The following CADPS variants were observed in gnomAD, a reference collection of about 807,000 sequenced individuals.
CADPS encodes calcium dependent secretion activator.
A neutral mutation model predicts 167.3 loss-of-function variants in CADPS; 57 were observed. That is an observed-to-expected ratio of 0.34 (90% CI 0.28 to 0.42). The LOEUF (loss-of-function observed/expected upper bound fraction) is 0.42. Ranked by LOEUF, CADPS falls within the 20% of genes least tolerant of loss-of-function variation. The pLI is 1.00. For missense variants in CADPS, 1,414 were observed against 1,738.1 expected, an observed-to-expected ratio of 0.81 and a Z score of 3.32; for synonymous variants, 676 against 635.3, an observed-to-expected ratio of 1.06 and a Z score of -0.96.
At chr3:62,506,942 G>A (rs1015165361) in intron 17 of CADPS, among the ~76,000 whole-genome samples, 13 of 152,160 alleles carry the variant, frequency 8.5e-5, no homozygotes, top group Non-Finnish European at 1.9e-4. Flanking sequence ...CATTAAAGAA[G>A]CCTGTCAGCA....
chr3:62,717,649 C>T (rs1476527694), intron 3 of CADPS, among the ~76,000 whole-genome samples: 1 of 152,148 alleles, frequency 6.6e-6, no homozygotes, highest in East Asian at 1.9e-4. Context: ...CTCAATATCA[C>T]AAGACACCAT....
chr3:62,403,881 T>C (rs1465389655), intron 28 of CADPS: 4 of 152,224 alleles, frequency 2.6e-5, no homozygotes, highest in African/African-American at 9.6e-5. Context: ...ATGAGCTCAT[T>C]TCAAGCTGTT....
intron 13 of CADPS, among the ~76,000 whole-genome samples, chr3:62,524,161 C>A (rs904666657): frequency 2.0e-5 from 3 of 152,216 alleles, no homozygotes; most frequent in African/African-American, 2.4e-5. Flanking sequence ...TTAATCCTTG[C>A]ATGGAAAGTT....
intron 26 of CADPS, among the ~76,000 whole-genome samples, chr3:62,463,109 T>G (rs79986959): frequency 0.015 from 2,327 of 152,284 alleles, 46 homozygotes; most frequent in African/African-American, 0.053. Flanking sequence ...AAAAGGGAGA[T>G]GAGAGGATGG....
chr3:62,684,971 T>A (rs2077742314), intron 3 of CADPS, among the ~76,000 whole-genome samples: 1 of 152,050 alleles, frequency 6.6e-6, no homozygotes, highest in Non-Finnish European at 1.5e-5. Context: ...AGGTTAAGAT[T>A]ATGCAGCTCA....
chr3:62,663,242 T>A (rs2073704814), intron 3 of CADPS, among the ~76,000 whole-genome samples: 1 of 152,114 alleles, frequency 6.6e-6, no homozygotes, highest in Non-Finnish European at 1.5e-5. Context: ...AAACAATATG[T>A]AAGTATAGAT....
chr3:62,816,772 G>A (rs1055332150), intron 1 of CADPS, among the ~76,000 whole-genome samples: 2 of 152,020 alleles, frequency 1.3e-5, no homozygotes, highest in Admixed American at 1.3e-4. Flanking sequence ...AAACCAAACA[G>A]AGCTGACATG....
intron 28 of CADPS, among the ~76,000 whole-genome samples, chr3:62,407,479 T>C (rs551520847): frequency 4.6e-5 from 7 of 152,302 alleles, no homozygotes; most frequent in African/African-American, 1.7e-4. Flanking sequence ...TCTCAAACCC[T>C]GTGGGGTGAG....
At chr3:62,604,678 A>T (rs1009710419) in intron 6 of CADPS, among the ~76,000 whole-genome samples, 1 of 152,246 alleles carries the variant, frequency 6.6e-6, no homozygotes, top group Non-Finnish European at 1.5e-5. Flanking sequence ...CTCATGGGGC[A>T]TCCCAAGGAT....
intron 10 of CADPS, among the ~76,000 whole-genome samples, chr3:62,554,673 A>T (rs2077827692): frequency 6.6e-6 from 1 of 152,182 alleles, no homozygotes; most frequent in African/African-American, 2.4e-5. Context: ...TGCTTATTTA[A>T]ATACAAAGAT....
At chr3:62,747,476 C>T (rs1035707082) in intron 3 of CADPS, among the ~76,000 whole-genome samples, 2 of 152,188 alleles carry the variant, frequency 1.3e-5, no homozygotes, top group African/African-American at 4.8e-5. Flanking sequence ...TTTGAGGTTT[C>T]TCTTCAGAGT....
intron 3 of CADPS, among the ~76,000 whole-genome samples, chr3:62,667,035 T>TTA (rs1323689883): frequency 1.4e-5 from 1 of 69,406 alleles, no homozygotes. Flanking sequence ...GGTTCCAATC[T>TTA]TGTTTTTTTT....
chr3:62,478,346 G>T lies in CADPS; in HGVS notation c.3244C>A (p.His1082Asn). ...TTTCCAAACTCTTCTTCAGGCCAGT[G>T]CAGGTCCCGAATGAAGGTCTGAAGG... ...DALQTFIRDL[H>N]WPEEEFGKHL... is the part of the protein sequence containing the mutation. The change falls in exon 23 of 30, where the codon CAC becomes AAC. Residue 1082 changes from histidine to asparagine, a missense_variant. Physicochemically the swap from His to Asn is moderately conservative, Grantham distance 68. This residue lies in a region of CADPS where 529 missense variants were observed against 629.6 expected (regional missense o/e 0.84). Transcript: ENST00000383710. This position sits in a 1 kb window ranked among gnomAD's most constrained non-coding sequence, Gnocchi z 5.7. 1 of 1,613,812 alleles carries T rather than the reference G, an allele frequency of 6.2e-7. No homozygotes were observed. The highest frequency in any genetic ancestry group is 1.3e-5 in the African/African-American group (1 of 75,006).
At chr3:62,686,603 CAT>C (rs1186465213) in intron 3 of CADPS, among the ~76,000 whole-genome samples, 1 of 151,954 alleles carries the variant, frequency 6.6e-6, no homozygotes, top group Non-Finnish European at 1.5e-5. Context: ...CAAAGGCTAA[CAT>C]AATCCCCATA....
rs931183262 is a variant in CADPS, at chr3:62,433,767, C to A, written c.3777+4337G>T. On this transcript the variant is annotated intron_variant, in intron 28 of 29. Coordinates refer to ENST00000383710, the MANE Select transcript of CADPS (RefSeq NM_003716.4). The surrounding 1 kb of genome is among the most constrained non-coding windows in gnomAD (Gnocchi z 4.7). ...TCTCAGTCTGTGTCTTCAAGAAGTA[C>A]AAGGAAGAAAGAAAATTAATTTTTG... Among the ~76,000 whole-genome samples, 1 of 152,124 alleles carries A rather than the reference C, an allele frequency of 6.6e-6. No individual in the cohort carries two copies. Among genetic ancestry groups the A allele is most frequent in the African/African-American group, 2.4e-5 (1 of 41,444 alleles).
intron 3 of CADPS, among the ~76,000 whole-genome samples, chr3:62,738,165 G>A (rs995765627): frequency 5.3e-5 from 8 of 151,978 alleles, no homozygotes; most frequent in Non-Finnish European, 1.0e-4. Flanking sequence ...CTCAACTCAC[G>A]TTTCTATGAG....
intron 1 of CADPS, among the ~76,000 whole-genome samples, chr3:62,819,428 G>C (rs940287651): frequency 2.0e-5 from 3 of 151,774 alleles, no homozygotes; most frequent in African/African-American, 7.3e-5. Context: ...GTGTGTGTGT[G>C]TGTGTGTGTG....
intron 6 of CADPS, among the ~76,000 whole-genome samples, chr3:62,621,652 C>T (rs902475932): frequency 3.3e-5 from 5 of 151,930 alleles, no homozygotes; most frequent in African/African-American, 9.7e-5. Flanking sequence ...AAACATGCTT[C>T]GTGGGGGTTT....
Position 62,510,926 on chromosome 3 carries a change from G to A in CADPS, c.2599+1825C>T, listed in dbSNP as rs569743151. Among the ~76,000 whole-genome samples the A allele has an allele frequency of 5.3e-5, 8 of 152,264 alleles. No individual in the cohort carries two copies. In the South Asian group the frequency reaches 1.7e-3, roughly 32 times the overall value. ...TTGAGACCTGATATACTTAGAAAAA[G>A]CTTCACTATACCAAGCTTCAAACCC... is the stretch of plus-strand genomic sequence containing the variant. On this transcript the variant is annotated intron_variant, in intron 17 of 29. Transcript: ENST00000383710.
Sources: gnomAD v4.1 joint callset for allele counts (sites outside exome capture counted in the v4.1 genomes callset) on GRCh38, gnomAD v4.1.1 for gene constraint, gnomAD v4.1.1 regional missense constraint, Gnocchi (gnomAD v3.1) non-coding constraint, MANE v1.5 for transcripts, NCBI Gene and HGNC (gene_info 2026-07-23, HGNC 2026-07-21) for gene names.